JHY: variants seen among roughly 807,000 people sequenced by gnomAD.
JHY encodes jhy protein homolog.
Under a neutral mutation model 78.0 loss-of-function variants are expected in JHY, and 69 were observed. The ratio of observed to expected loss-of-function variants is 0.88; its 90% CI spans 0.73 to 1.08. The LOEUF is 1.08. Ranked by LOEUF, JHY falls within the 50% of genes least tolerant of loss-of-function variation. JHY has a pLI of 0.00. For missense variants in JHY, 944 were observed against 927.8 expected, an observed-to-expected ratio of 1.02 and a Z score of -0.23; for synonymous variants, 368 against 342.6, an observed-to-expected ratio of 1.07 and a Z score of -0.82.
chr11:122,939,429 G>A (rs576360771), intron 5 of JHY, among the ~76,000 whole-genome samples: 2 of 152,136 alleles, frequency 1.3e-5, no homozygotes, highest in Non-Finnish European at 2.9e-5. Flanking sequence ...TTTCCCTGCT[G>A]CTAACTTAGA....
In JHY at chr11:122,935,240, C is replaced by CT. The variant is rs113946401; in HGVS notation, c.1634+178dup. Among the ~76,000 whole-genome samples the CT allele has an allele frequency of 0.027, 3,881 of 143,288 alleles. 131 individuals carry two copies. Among genetic ancestry groups the CT allele is most frequent in the African/African-American group, 0.083 (3,276 of 39,466 alleles). The allele number at this position is 143,288 out of a possible 152,430, so 94.0% of individuals were successfully genotyped here. A position where few individuals can be genotyped will look rare whatever the true frequency, so the allele number is the denominator to read the frequency against. Reference sequence around the variant, plus strand: ...TCTGATTCCTGCCTCAAAGAGTCCACTTTTTTTTTTTTTAGACAGATTCTT... The same window carrying CT: ...TCTGATTCCTGCCTCAAAGAGTCCACTTTTTTTTTTTTTTAGACAGATTCTT... On this transcript the variant is annotated intron_variant, in intron 5 of 8. Coordinates refer to ENST00000227349, the MANE Select transcript of JHY (RefSeq NM_024806.4). This position sits in a 1 kb window ranked among gnomAD's most constrained non-coding sequence, Gnocchi z 4.5.
At chr11:122,933,931 T>G (rs1359905886) in intron 4 of JHY, among the ~76,000 whole-genome samples, 4 of 152,196 alleles carry the variant, frequency 2.6e-5, no homozygotes, top group Non-Finnish European at 5.9e-5. Context: ...CTTCCCCACC[T>G]CATCCCCCAA....
chr11:122,954,101 A>C (rs1043293772), intron 6 of JHY, among the ~76,000 whole-genome samples: 6 of 152,242 alleles, frequency 3.9e-5, no homozygotes, highest in Non-Finnish European at 7.3e-5. Context: ...CATTCTTCTT[A>C]CATACAATTA....
chr11:122,894,092 G>A (rs183227511), intron 2 of JHY, among the ~76,000 whole-genome samples: 334 of 152,198 alleles, frequency 2.2e-3, no homozygotes, highest in African/African-American at 7.0e-3. Context: ...AGGCTGAGGC[G>A]GGAGGATCAT....
intron 2 of JHY, among the ~76,000 whole-genome samples, chr11:122,900,719 G>A (rs190115234): frequency 1.1e-3 from 162 of 152,104 alleles, no homozygotes; most frequent in Non-Finnish European, 1.8e-3. Flanking sequence ...ACTGAGCTTC[G>A]TGTGCATAGC....
At chr11:122,901,286 C>G (rs1183116543) in intron 2 of JHY, among the ~76,000 whole-genome samples, 3 of 152,166 alleles carry the variant, frequency 2.0e-5, no homozygotes, top group Non-Finnish European at 2.9e-5. Context: ...GTACATTTCT[C>G]TGGGTGAGGC....
intron 2 of JHY, among the ~76,000 whole-genome samples, chr11:122,894,424 C>G (rs142428234): frequency 6.6e-6 from 1 of 152,280 alleles, no homozygotes; most frequent in African/African-American, 2.4e-5. Flanking sequence ...AAATCTAGGT[C>G]TCTGTCTCTT....
chr11:122,940,345 GA>G (rs1418855789), intron 5 of JHY, among the ~76,000 whole-genome samples: 4 of 150,434 alleles, frequency 2.7e-5, no homozygotes, highest in East Asian at 1.9e-4. Flanking sequence ...CTCAAAAAAA[GA>G]AAAAAAAATC....
intron 3 of JHY, among the ~76,000 whole-genome samples, chr11:122,924,537 G>T (rs1032569815): frequency 5.3e-5 from 8 of 152,138 alleles, no homozygotes; most frequent in African/African-American, 1.9e-4. Context: ...CATCATCTTG[G>T]CGTATAGTGT....
chr11:122,939,963 CT>C (rs11349858), intron 5 of JHY, among the ~76,000 whole-genome samples: 78,483 of 146,398 alleles, frequency 0.54, 20,941 homozygotes, highest in African/African-American at 0.62. Flanking sequence ...CCTTTTACAG[CT>C]TTTTTTTTTT....
At position 122,883,029 on chromosome 11, in the gene JHY, G is replaced by A. The variant is rs1409593163; in HGVS notation, c.-90+57G>A. On this transcript the variant is annotated intron_variant, in intron 1 of 8. Transcript: ENST00000227349. This position sits in a 1 kb window ranked among gnomAD's most constrained non-coding sequence, Gnocchi z 4.4. ...GGGCGGCGCGCCCGGGGAGGGAAAC[G>A]GGAAGGGCTTACTGGGGATGGGGAC... 6.5e-6 allele frequency: 1 copy of A among 152,992 alleles called. No individual in the cohort carries two copies. The highest frequency in any genetic ancestry group is 6.5e-5 in the Admixed American group (1 of 15,274). 9.5% of individuals were successfully genotyped at this position (152,992 alleles called of 1,614,324 possible).
chr11:122,893,300 C>T (rs569029124), intron 2 of JHY, among the ~76,000 whole-genome samples: 1 of 152,332 alleles, frequency 6.6e-6, no homozygotes, highest in African/African-American at 2.4e-5. Context: ...CCCCGACACA[C>T]TCCTCAGAGC....
In JHY at chr11:122,897,655, C is replaced by T. The variant is rs1316556036; in HGVS notation, c.345-6270C>T. Among the ~76,000 whole-genome samples, 4 of 152,312 alleles carry T rather than the reference C, an allele frequency of 2.6e-5. No homozygotes were observed. In the South Asian group the frequency reaches 6.2e-4, roughly 24 times the overall value. ...ATGCAGGTAGTCTAGGACCCTTGTT[C>T]TTAGATGCTCTGCTGTACCATTTCT... is the stretch of plus-strand genomic sequence containing the variant. On this transcript the variant is annotated intron_variant, in intron 2 of 8. Transcript: ENST00000227349.
rs1028522374 is a variant in JHY at position 122,898,277 on chromosome 11, C to A, written c.345-5648C>A. Among the ~76,000 whole-genome samples the A allele has an allele frequency of 1.1e-4, 16 of 152,140 alleles. No homozygotes were observed. Among genetic ancestry groups the A allele is most frequent in the Non-Finnish European group, 2.1e-4 (14 of 68,022 alleles). ...TGACCGACTGATCCATTCGCTGATTCACATAAGGCAGACACTGCAACCTAC... is the reference window on the plus strand; with the variant it reads ...TGACCGACTGATCCATTCGCTGATTAACATAAGGCAGACACTGCAACCTAC... On this transcript the variant is annotated intron_variant, in intron 2 of 8. Coordinates refer to ENST00000227349, the MANE Select transcript of JHY (RefSeq NM_024806.4). The surrounding 1 kb of genome is among the most constrained non-coding windows in gnomAD (Gnocchi z 4.4).
Position 122,935,019 on chromosome 11 carries a change from GA to G in JHY, c.1581del (p.Lys527AsnfsTer15). On this transcript the variant is annotated frameshift_variant, in exon 5 of 9. Transcript: ENST00000227349. LOFTEE classifies it high-confidence loss of function. The surrounding 1 kb of genome is among the most constrained non-coding windows in gnomAD (Gnocchi z 4.5). ...ATACTCATGGATCAACCAAAAATAA[GA>G]AACAACTCAAACAGCCTTATACAGA... ...INTHGSTKNK[K>X]QLKQPYTETK... 6.2e-7 allele frequency: 1 copy of G among 1,609,146 alleles called. No homozygotes were observed. Among genetic ancestry groups the G allele is most frequent in the Non-Finnish European group, 8.5e-7 (1 of 1,178,806 alleles).
intron 6 of JHY, 62 bp from the exon 7 acceptor site, chr11:122,956,434 T>C: frequency 2.1e-6 from 3 of 1,433,494 alleles, no homozygotes; most frequent in Admixed American, 1.7e-5. Context: ...CCTTACAGGG[T>C]GTTAGGAGTC....
intron 3 of JHY, among the ~76,000 whole-genome samples, chr11:122,919,460 C>G (rs756398432): frequency 2.0e-5 from 3 of 151,716 alleles, no homozygotes; most frequent in African/African-American, 7.3e-5. Flanking sequence ...GACAATGGTG[C>G]CCCTGGCGCA....
At chr11:122,940,921 T>C (rs1863864099) in intron 5 of JHY, among the ~76,000 whole-genome samples, 1 of 152,084 alleles carries the variant, frequency 6.6e-6, no homozygotes, top group South Asian at 2.1e-4. Flanking sequence ...TATAAACATG[T>C]TAAAGTCTAT....
chr11:122,922,375 A>G (rs1207167920), intron 3 of JHY, among the ~76,000 whole-genome samples: 1 of 152,236 alleles, frequency 6.6e-6, no homozygotes, highest in African/African-American at 2.4e-5. Context: ...TAAAAGAAAG[A>G]AAATGTTGTG....
Sources: gnomAD v4.1 joint callset for allele counts (sites outside exome capture counted in the v4.1 genomes callset) on GRCh38, gnomAD v4.1.1 for gene constraint, Gnocchi (gnomAD v3.1) non-coding constraint, MANE v1.5 for transcripts, NCBI Gene and HGNC (gene_info 2026-07-23, HGNC 2026-07-21) for gene names.